GK5: variants seen among roughly 807,000 people sequenced by gnomAD.
The protein encoded by GK5 is ATP:glycerol 3-phosphotransferase 5.
GK5 carries 39 observed loss-of-function variants against 77.3 expected under a neutral mutation model. That is an observed-to-expected ratio of 0.50 (90% CI 0.39 to 0.66). GK5 has a LOEUF of 0.66. Among genes scored for constraint, GK5 ranks in the 30% least tolerant of loss-of-function variants. GK5 has a pLI of 0.00. For missense variants in GK5, 487 were observed against 633.8 expected (o/e 0.77, Z 2.49); for synonymous variants, 211 against 208.0 (o/e 1.01, Z -0.13).
intron 15 of GK5, chr3:142,170,060 G>T (rs1233842819): frequency 2.0e-5 from 10 of 511,442 alleles, no homozygotes; most frequent in Non-Finnish European, 7.1e-6. Flanking sequence ...ACTGTCTGTT[G>T]CTAGAGACTG....
chr3:142,186,227 G>A lies in GK5; in HGVS notation c.722C>T (p.Pro241Leu). 6.2e-7 allele frequency: 1 copy of A among 1,605,144 alleles called. No homozygotes were observed. The highest frequency in any genetic ancestry group is 8.5e-7 in the Non-Finnish European group (1 of 1,172,098). Reference sequence around the variant, plus strand: ...CCTCACAGGAGGTAGGAGAGAAAGTGGTATCGAAATTAGAGAGGTAATCAT... The same window carrying A: ...CCTCACAGGAGGTAGGAGAGAAAGTAGTATCGAAATTAGAGAGGTAATCAT... ...SGMITSLISI[P>L]LSLLPPVRDT... is the part of the protein sequence containing the mutation. Residue 241 changes from proline to leucine, a missense_variant, in exon 8 of 16, where the codon CCA becomes CTA. Pro to Leu is a moderately conservative substitution (Grantham distance 98, BLOSUM62 -3). Transcript: ENST00000392993.
chr3:142,186,630 CTTTTTTTTTTTTTTTT>C (rs781196956), intron 6 of GK5, 117 bp from the exon 7 acceptor site: 1 of 250,342 alleles, frequency 4.0e-6, no homozygotes, highest in Non-Finnish European at 7.5e-6. Flanking sequence ...TGTGTATTTT[CTTTTTTTTTTTTTTTT>C]TTTGAGACGG....
intron 15 of GK5, 115 bp from the exon 16 acceptor site, chr3:142,165,885 C>T: frequency 1.6e-6 from 1 of 628,148 alleles, no homozygotes; most frequent in Non-Finnish European, 2.6e-6. Flanking sequence ...ATTTTTAAAA[C>T]AATCCAAAAT....
rs148524898 is a variant in GK5, at chr3:142,180,494, G to C, written c.1048+967C>G. Among the ~76,000 whole-genome samples the C allele has an allele frequency of 1.2e-3, 182 of 152,054 alleles. 4 individuals are homozygous for C. The East Asian group carries it at 0.034, about 28-fold the overall frequency. On this transcript the variant is annotated intron_variant, in intron 11 of 15. Coordinates refer to ENST00000392993, the MANE Select transcript of GK5 (RefSeq NM_001039547.3). ...ATTTTGTATTTTTAGTAAAGACAGG[G>C]TTTCTCCATGTTGGTCAGGCTGATC...
chr3:142,171,180 G>A (rs1343631291), intron 14 of GK5, among the ~76,000 whole-genome samples: 3 of 152,064 alleles, frequency 2.0e-5, no homozygotes, highest in African/African-American at 7.2e-5. Context: ...GCAGTGAGCC[G>A]AGATCATGCC....
chr3:142,177,168 T>C (rs1382841473), intron 12 of GK5, among the ~76,000 whole-genome samples: 1 of 152,176 alleles, frequency 6.6e-6, no homozygotes, highest in East Asian at 1.9e-4. Context: ...TTGGTCATGA[T>C]AAAGTAATGC....
rs1343044808 is a variant in GK5 at position 142,225,386 on chromosome 3, G to A, written c.70C>T (p.Leu24=). ...CGGATCACAGAACTGCCCACATCCA[G>A]CCCCAGCACGAAGCCGGGGTACCGC... The part of the protein sequence containing the change: ...EPRYPGFVLG[L]DVGSSVIRCH... The change falls in exon 1 of 16, where the codon CTG becomes TTG. Residue 24 remains leucine, a synonymous_variant. Coordinates refer to ENST00000392993, the MANE Select transcript of GK5 (RefSeq NM_001039547.3). The A allele has an allele frequency of 1.3e-6, 2 of 1,595,822 alleles. No individual in the cohort carries two copies. Among genetic ancestry groups the A allele is most frequent in the South Asian group, 2.3e-5 (2 of 87,606 alleles).
chr3:142,218,674 G>A (rs909198693), intron 1 of GK5, among the ~76,000 whole-genome samples: 12 of 152,134 alleles, frequency 7.9e-5, no homozygotes, highest in African/African-American at 2.6e-4. Context: ...GAAAATTCTT[G>A]TGACTTGGGG....
chr3:142,184,818 G>A, intron 9 of GK5: 3 of 967,554 alleles, frequency 3.1e-6, no homozygotes, highest in Non-Finnish European at 3.7e-6. Flanking sequence ...CTCCAGTCTG[G>A]GAGACAAGAG....
chr3:142,177,250 G>A (rs1025914196), intron 12 of GK5, among the ~76,000 whole-genome samples: 1 of 152,156 alleles, frequency 6.6e-6, no homozygotes, highest in Non-Finnish European at 1.5e-5. Context: ...GCAGAAGTCA[G>A]CTGAATTCTA....
chr3:142,187,276 G>T (rs2063785896), intron 6 of GK5, among the ~76,000 whole-genome samples: 1 of 151,660 alleles, frequency 6.6e-6, no homozygotes, highest in Non-Finnish European at 1.5e-5. Context: ...GTACCAAAGA[G>T]CAGTATGTCT....
rs1255022108 is a variant in GK5, at chr3:142,185,686, C to T, written c.816+243G>A. On this transcript the variant is annotated intron_variant, in intron 9 of 15. Coordinates refer to ENST00000392993, the MANE Select transcript of GK5 (RefSeq NM_001039547.3). ...TTTAAGTTTTCTGATAAACAATATA[C>T]AAGCAAGTCAGAAAAGGTTATAAAG... 5 of 1,376,010 alleles carry T rather than the reference C, an allele frequency of 3.6e-6. No homozygotes were observed. In the African/African-American group the frequency reaches 5.9e-5, roughly 16 times the overall value. The allele number at this position is 1,376,010 out of a possible 1,614,324, so 85.2% of individuals were successfully genotyped here. A position where few individuals can be genotyped will look rare whatever the true frequency, so the allele number is the denominator to read the frequency against.
chr3:142,182,343 T>C, intron 10 of GK5, among the ~76,000 whole-genome samples: 1 of 152,076 alleles, frequency 6.6e-6, no homozygotes, highest in South Asian at 2.1e-4. Context: ...AGAACCCTAG[T>C]AAGAAGATTT....
intron 9 of GK5, chr3:142,185,050 C>G: frequency 1.0e-6 from 1 of 985,386 alleles, no homozygotes; most frequent in South Asian, 4.7e-5. Flanking sequence ...GCACATCTTG[C>G]AACAGGTGGT....
At chr3:142,205,556 G>A (rs141648780) in intron 3 of GK5, among the ~76,000 whole-genome samples, 1 of 152,290 alleles carries the variant, frequency 6.6e-6, no homozygotes, top group African/African-American at 2.4e-5. Flanking sequence ...AGGAAGAAAA[G>A]TTTTCAGTTT....
chr3:142,210,701 A>C (rs749104625), intron 3 of GK5, among the ~76,000 whole-genome samples: 6 of 152,320 alleles, frequency 3.9e-5, no homozygotes, highest in East Asian at 1.9e-4. Context: ...TCCCTCTACA[A>C]CACCACCACC....
chr3:142,194,288 G>C (rs1044563571), intron 5 of GK5, among the ~76,000 whole-genome samples: 2 of 152,056 alleles, frequency 1.3e-5, no homozygotes, highest in Admixed American at 1.3e-4. Context: ...CACTTTGGAA[G>C]GTCGAGGCGG....
In GK5 at chr3:142,183,058, A is replaced by C; in HGVS notation, c.817-9T>G. On this transcript the variant is annotated splice_polypyrimidine_tract_variant and intron_variant, in intron 9 of 15. Transcript: ENST00000392993. ...GATTGCTGGTCAGCAACCTACCAAA[A>C]ATGTTCAAATGTAAACCCATTGCCC... 1.2e-6 allele frequency: 2 copies of C among 1,613,390 alleles called. No homozygotes were observed.
intron 11 of GK5, 87 bp downstream of exon 11, chr3:142,181,374 C>T: frequency 1.5e-6 from 1 of 661,304 alleles, no homozygotes; most frequent in Admixed American, 2.9e-5. Flanking sequence ...TTTGAACAAT[C>T]CATTTGCTTC....
Sources: gnomAD v4.1 joint callset for allele counts (sites outside exome capture counted in the v4.1 genomes callset) on GRCh38, gnomAD v4.1.1 for gene constraint, MANE v1.5 for transcripts, NCBI Gene and HGNC (gene_info 2026-07-23, HGNC 2026-07-21) for gene names.